Variants in PAPPA observed in about 807,000 individuals in gnomAD.
The protein encoded by PAPPA is pappalysin-1.
Under a neutral mutation model 164.0 loss-of-function variants are expected in PAPPA, and 60 were observed. That is an observed-to-expected ratio of 0.37 (90% CI 0.30 to 0.45). PAPPA has a LOEUF of 0.45. Among genes scored for constraint, PAPPA ranks in the 20% least tolerant of loss-of-function variants. The pLI, the probability that PAPPA is intolerant of heterozygous loss-of-function variation, is 1.00. For missense variants in PAPPA, 1,782 were observed against 2,087.3 expected (o/e 0.85, Z 2.85); for synonymous variants, 875 against 814.1 (o/e 1.07, Z -1.27).
chr9:116,384,830 G>A (rs1454881346), intron 21 of PAPPA, among the ~76,000 whole-genome samples: 2 of 152,154 alleles, frequency 1.3e-5, no homozygotes, highest in African/African-American at 2.4e-5. Context: ...GATGAAGTTT[G>A]TATTTGAAAT....
chr9:116,361,497 C>T (rs967177790), intron 17 of PAPPA, among the ~76,000 whole-genome samples: 2 of 152,182 alleles, frequency 1.3e-5, no homozygotes, highest in Admixed American at 6.5e-5. Flanking sequence ...CCAGCACACA[C>T]GATATTTTTC....
At position 116,289,324 on chromosome 9, in the gene PAPPA, G is replaced by A. The variant is rs151248733; in HGVS notation, c.2954-13433G>A. 9.2e-3 allele frequency among the ~76,000 whole-genome samples: 907 copies of A among 98,760 alleles called. 53 individuals are homozygous for A. The highest frequency in any genetic ancestry group is 0.032 in the African/African-American group (837 of 26,194). 64.8% of individuals were successfully genotyped at this position (98,760 alleles called of 152,430 possible). A position where few individuals can be genotyped will look rare whatever the true frequency, so the allele number is the denominator to read the frequency against. On this transcript the variant is annotated intron_variant, in intron 9 of 21. Coordinates refer to ENST00000328252, the MANE Select transcript of PAPPA (RefSeq NM_002581.5). ...TATAGCATATATATGGCATATATAT[G>A]GCATATATATAGCATATATATGGCA...
rs776113256 is a variant in PAPPA at position 116,211,700 on chromosome 9, T to C, written c.1686T>C (p.His562=). ...CTGGGCACACCCACACCATGATCCATGAGATTGGTCACAGCCTGGGCCTCT... is the reference window on the plus strand; with the variant it reads ...CTGGGCACACCCACACCATGATCCACGAGATTGGTCACAGCCTGGGCCTCT... ...GMPGHTHTMI[H]EIGHSLGLYH... Residue 562 remains histidine, a synonymous_variant, in exon 4 of 22, where the codon CAT becomes CAC. Transcript: ENST00000328252. 1.2e-6 allele frequency: 2 copies of C among 1,608,820 alleles called. No individual in the cohort carries two copies. Among genetic ancestry groups the C allele is most frequent in the East Asian group, 4.5e-5 (2 of 44,782 alleles).
At chr9:116,319,170 G>A (rs1845822824) in intron 10 of PAPPA, among the ~76,000 whole-genome samples, 1 of 152,230 alleles carries the variant, frequency 6.6e-6, no homozygotes, top group South Asian at 2.1e-4. Flanking sequence ...TAATTAGGGA[G>A]ACAGGGAGCA....
At chr9:116,189,664 G>A (rs1408479904) in intron 2 of PAPPA, among the ~76,000 whole-genome samples, 1 of 152,194 alleles carries the variant, frequency 6.6e-6, no homozygotes, top group Non-Finnish European at 1.5e-5. Flanking sequence ...TCAAGCTGGA[G>A]AGACCATCAA....
intron 9 of PAPPA, among the ~76,000 whole-genome samples, chr9:116,294,748 A>G (rs1317257697): frequency 1.6e-4 from 24 of 152,192 alleles, no homozygotes; most frequent in Admixed American, 1.5e-3. Context: ...GACTGTTGTT[A>G]TTGAACCCAT....
intron 1 of PAPPA, among the ~76,000 whole-genome samples, chr9:116,179,752 T>A (rs1301110534): frequency 2.0e-5 from 3 of 152,198 alleles, no homozygotes; most frequent in Non-Finnish European, 2.9e-5. Context: ...AACCCAAATC[T>A]GTCTGTTTTA....
intron 2 of PAPPA, among the ~76,000 whole-genome samples, chr9:116,206,713 G>C (rs1387092170): frequency 2.6e-5 from 4 of 152,172 alleles, no homozygotes; most frequent in Non-Finnish European, 5.9e-5. Flanking sequence ...TGCTCTGCTA[G>C]TAGGAGGTGG....
intron 13 of PAPPA, among the ~76,000 whole-genome samples, chr9:116,342,092 T>A (rs1030520275): frequency 6.6e-6 from 1 of 152,224 alleles, no homozygotes; most frequent in Non-Finnish European, 1.5e-5. Flanking sequence ...TCCCTCTGGG[T>A]CTTCATAAGA....
chr9:116,362,167 A>G (rs1020966737), intron 17 of PAPPA, among the ~76,000 whole-genome samples: 4 of 152,158 alleles, frequency 2.6e-5, no homozygotes, highest in Admixed American at 2.0e-4. Context: ...TCACTATTTA[A>G]GAGGAAGTAA....
At position 116,238,597 on chromosome 9, in the gene PAPPA, A is replaced by G. The variant is rs993120149; in HGVS notation, c.2732+2960A>G. 6.6e-5 allele frequency among the ~76,000 whole-genome samples: 10 copies of G among 152,282 alleles called. No homozygotes were observed. The South Asian group carries it at 1.2e-3, about 19-fold the overall frequency. On this transcript the variant is annotated intron_variant, in intron 7 of 21. Transcript: ENST00000328252. The stretch of plus-strand genomic sequence containing the variant: ...TGTAAAAGTGCCACGTACTGTGCCA[A>G]ATCATCAGTAGTGAGGTCGACACTC...
chr9:116,331,126 G>T (rs1845985522), intron 10 of PAPPA, 118 bp from the exon 11 acceptor site: 1 of 643,940 alleles, frequency 1.6e-6, no homozygotes, highest in African/African-American at 1.8e-5. Flanking sequence ...TTTCATCCCT[G>T]TTTTTTCCTG....
intron 8 of PAPPA, among the ~76,000 whole-genome samples, chr9:116,266,397 A>T (rs149716497): frequency 6.6e-6 from 1 of 152,362 alleles, no homozygotes; most frequent in East Asian, 1.9e-4. Flanking sequence ...ATTCACATTT[A>T]TGAAAACTGC....
At chr9:116,208,527 C>A (rs761802773) in intron 3 of PAPPA, among the ~76,000 whole-genome samples, 1 of 152,132 alleles carries the variant, frequency 6.6e-6, no homozygotes, top group Non-Finnish European at 1.5e-5. Flanking sequence ...AAGGGCACTG[C>A]CATTTATTTA....
At chr9:116,239,427 T>C (rs865921602) in intron 7 of PAPPA, among the ~76,000 whole-genome samples, 1 of 152,094 alleles carries the variant, frequency 6.6e-6, no homozygotes, top group Non-Finnish European at 1.5e-5. Flanking sequence ...ATTAAGCCCT[T>C]CTCTATGGGT....
chr9:116,186,115 C>T (rs892646115), intron 1 of PAPPA, among the ~76,000 whole-genome samples: 1 of 151,972 alleles, frequency 6.6e-6, no homozygotes, highest in Non-Finnish European at 1.5e-5. Flanking sequence ...AGCACAATGC[C>T]TGGCCTGCCA....
chr9:116,201,833 T>A (rs149682455), intron 2 of PAPPA, among the ~76,000 whole-genome samples: 2 of 152,298 alleles, frequency 1.3e-5, no homozygotes, highest in African/African-American at 2.4e-5. Context: ...CTGAAAGAAC[T>A]GTTTCCAGTC....
chr9:116,168,037 G>A (rs896532580), intron 1 of PAPPA, among the ~76,000 whole-genome samples: 1 of 152,060 alleles, frequency 6.6e-6, no homozygotes, highest in African/African-American at 2.4e-5. Flanking sequence ...CTTTCCACTG[G>A]GTCACTTTAT....
intron 1 of PAPPA, among the ~76,000 whole-genome samples, chr9:116,182,877 C>A (rs1243030209): frequency 6.6e-6 from 1 of 152,164 alleles, no homozygotes; most frequent in Admixed American, 6.5e-5. Flanking sequence ...CCTGCTGCAC[C>A]TCAACCTCTC....
Sources: allele counts gnomAD v4.1 joint callset (sites outside exome capture counted in the v4.1 genomes callset), GRCh38; gene constraint gnomAD v4.1.1; transcripts MANE v1.5; gene names NCBI Gene and HGNC (gene_info 2026-07-23, HGNC 2026-07-21).